ATP13A3: variants seen among roughly 807,000 people sequenced by gnomAD.
ATP13A3 encodes the protein polyamine-transporting ATPase 13A3.
Under a neutral mutation model 158.1 loss-of-function variants are expected in ATP13A3, and 59 were observed. That is an observed-to-expected ratio of 0.37 (90% CI 0.30 to 0.46). The LOEUF (loss-of-function observed/expected upper bound fraction) is 0.46, where lower values mean the gene tolerates loss of function less well. Ranked by LOEUF, ATP13A3 falls within the 20% of genes least tolerant of loss-of-function variation. The pLI is 1.00. For synonymous variants in ATP13A3, 491 were observed against 504.3 expected, an observed-to-expected ratio of 0.97 and a Z score of 0.35; for missense variants, 1,166 against 1,525.2, an observed-to-expected ratio of 0.76 and a Z score of 3.92.
intron 31 of ATP13A3, among the ~76,000 whole-genome samples, chr3:194,416,454 T>C (rs1313981569): frequency 1.3e-5 from 2 of 151,032 alleles, no homozygotes; most frequent in Non-Finnish European, 2.9e-5. Flanking sequence ...CGAGACTCCA[T>C]CTCAAAAAAA....
intron 8 of ATP13A3, among the ~76,000 whole-genome samples, chr3:194,455,309 C>A (rs979513994): frequency 6.6e-6 from 1 of 152,172 alleles, no homozygotes; most frequent in African/African-American, 2.4e-5. Context: ...AAACACCCCC[C>A]ACCCAATGTC....
At chr3:194,456,927 A>C (rs1719271435) in intron 7 of ATP13A3, among the ~76,000 whole-genome samples, 167 bp downstream of exon 7, 1 of 152,146 alleles carries the variant, frequency 6.6e-6, no homozygotes, top group Non-Finnish European at 1.5e-5. Context: ...ATAATTCTTA[A>C]ACTAAGACAG....
chr3:194,466,982 C>T (rs976362846), intron 2 of ATP13A3, among the ~76,000 whole-genome samples: 2 of 152,222 alleles, frequency 1.3e-5, no homozygotes, highest in Non-Finnish European at 2.9e-5. Flanking sequence ...ACTCAATCTA[C>T]TATGTGCCAG....
At chr3:194,484,376 AAC>A (rs1161867280) in intron 2 of ATP13A3, among the ~76,000 whole-genome samples, 1 of 152,228 alleles carries the variant, frequency 6.6e-6, no homozygotes, top group African/African-American at 2.4e-5. Flanking sequence ...TATTGAATCA[AAC>A]TATGCTTGTA....
intron 31 of ATP13A3, among the ~76,000 whole-genome samples, chr3:194,419,381 T>C (rs1716125287): frequency 6.6e-6 from 1 of 152,140 alleles, no homozygotes; most frequent in African/African-American, 2.4e-5. Flanking sequence ...GCTCAGGTAA[T>C]GTTCATTTTT....
intron 7 of ATP13A3, among the ~76,000 whole-genome samples, chr3:194,456,472 A>G (rs2108947806): frequency 6.6e-6 from 1 of 152,246 alleles, no homozygotes; most frequent in South Asian, 2.1e-4. Flanking sequence ...GTAATTCTAG[A>G]CTTTTATGAA....
upstream of ATP13A3, among the ~76,000 whole-genome samples, chr3:194,490,474 C>T (rs1305814105): frequency 1.3e-5 from 2 of 152,210 alleles, no homozygotes; most frequent in Non-Finnish European, 2.9e-5. This position sits in a 1 kb window ranked among gnomAD's most constrained non-coding sequence, Gnocchi z 4.4. Context: ...TTTTGGAATT[C>T]CTCCTCCCTG....
Position 194,410,296 on chromosome 3 carries a change from C to CA in ATP13A3, c.3573+1902dup, listed in dbSNP as rs772008929. On this transcript the variant is annotated intron_variant, in intron 33 of 33. Transcript: ENST00000645319. Reference sequence around the variant, plus strand: ...GCAACATGGCAAAACCTCCTCTCTGCAAAAAAAAAAAAAAAAAAAAAAAAA... The same window carrying CA: ...GCAACATGGCAAAACCTCCTCTCTGCAAAAAAAAAAAAAAAAAAAAAAAAAA... 4.0e-3 allele frequency among the ~76,000 whole-genome samples: 87 copies of CA among 21,820 alleles called. 18 individuals carry two copies. The highest frequency in any genetic ancestry group is 0.011 in the East Asian group (7 of 666). 14.3% of individuals were successfully genotyped at this position (21,820 alleles called of 152,430 possible). A position where few individuals can be genotyped will look rare whatever the true frequency, so the allele number is the denominator to read the frequency against.
intron 2 of ATP13A3, among the ~76,000 whole-genome samples, chr3:194,475,390 T>C (rs1258360895): frequency 1.3e-5 from 2 of 152,148 alleles, no homozygotes; most frequent in African/African-American, 4.8e-5. Context: ...AAGCACAAAA[T>C]CACTAGGAAG....
intron 15 of ATP13A3, among the ~76,000 whole-genome samples, chr3:194,443,392 G>T (rs991758978): frequency 6.6e-6 from 1 of 152,072 alleles, no homozygotes. Context: ...AAATGAGAAT[G>T]TGAAAATGTG....
intron 15 of ATP13A3, 98 bp downstream of exon 15, chr3:194,444,627 G>T: frequency 1.0e-6 from 1 of 994,318 alleles, no homozygotes; most frequent in East Asian, 2.6e-5. Flanking sequence ...TCCTGGTATA[G>T]GTACACAGTT....
At chr3:194,417,933 C>T (rs989727030) in intron 31 of ATP13A3, among the ~76,000 whole-genome samples, 5 of 125,612 alleles carry the variant, frequency 4.0e-5, no homozygotes, top group African/African-American at 1.5e-4. Context: ...TGCACTGCAG[C>T]GTGGGTGACA....
chr3:194,493,441 G>C (rs1398455672), intron 2 of ATP13A3, among the ~76,000 whole-genome samples: 1 of 152,062 alleles, frequency 6.6e-6, no homozygotes, highest in Non-Finnish European at 1.5e-5. Context: ...GAGGTCAGGA[G>C]TTCGAGACCA....
chr3:194,454,322 T>C lies in ATP13A3; in HGVS notation c.701A>G (p.Tyr234Cys). ...GGACATAACCACAATAGCTAGAGCATAGTAATAGTATTCATCAGTGCTCCA... is the reference window on the plus strand; with the variant it reads ...GGACATAACCACAATAGCTAGAGCACAGTAATAGTATTCATCAGTGCTCCA... ...ILWSTDEYYY[Y>C]ALAIVVMSIV... Residue 234 changes from tyrosine (Y) to cysteine (C), a missense_variant, in exon 9 of 34, where the codon TAT becomes TGT. Transcript: ENST00000645319. 6.2e-7 allele frequency: 1 copy of C among 1,606,602 alleles called. No individual in the cohort carries two copies. The highest frequency in any genetic ancestry group is 8.5e-7 in the Non-Finnish European group (1 of 1,173,398).
At chr3:194,419,057 ATTAT>A (rs1716101116) in intron 31 of ATP13A3, among the ~76,000 whole-genome samples, 2 of 152,254 alleles carry the variant, frequency 1.3e-5, no homozygotes. Flanking sequence ...ATGTTCAGTA[ATTAT>A]TTACCAACAG....
chr3:194,492,793 C>CATA (rs1721161505), intron 2 of ATP13A3, among the ~76,000 whole-genome samples: 1 of 152,060 alleles, frequency 6.6e-6, no homozygotes, highest in South Asian at 2.1e-4. Flanking sequence ...ACTTATAATA[C>CATA]GATGTAAATT....
chr3:194,491,848 TCATCTCTCACCTGGCATGCCTCCTC>T (rs1560122222), upstream of ATP13A3, among the ~76,000 whole-genome samples: 2 of 122,574 alleles, frequency 1.6e-5, no homozygotes, highest in African/African-American at 6.4e-5. Context: ...GCATGTCCCC[TCATCTCTCACCTGGCATGCCTCCTC>T]CATCTCTCAC....
chr3:194,438,895 T>C lies in ATP13A3; in HGVS notation c.1788A>G (p.Gln596=), dbSNP rs1453967297. The C allele has an allele frequency of 4.4e-6, 7 of 1,608,766 alleles. No individual in the cohort carries two copies. Among genetic ancestry groups the C allele is most frequent in the African/African-American group, 1.3e-5 (1 of 74,606 alleles). Residue 596 remains glutamine (Q), a synonymous_variant, in exon 17 of 34, where the codon CAA becomes CAG. Transcript: ENST00000645319. ...IMPTVVRPPK[Q]LLPESTPAGN... ...CTGCAGGGGTAGATTCAGGAAGCAG[T>C]TGTTTGGGAGGACGAACCACTGTGG...
intron 6 of ATP13A3, among the ~76,000 whole-genome samples, chr3:194,458,847 A>C (rs74540826): frequency 9.9e-5 from 15 of 152,100 alleles, no homozygotes; most frequent in Non-Finnish European, 1.5e-4. Flanking sequence ...AGAAACCTAC[A>C]GGTATGAATA....
Sources: gnomAD v4.1 joint callset for allele counts (sites outside exome capture counted in the v4.1 genomes callset) on GRCh38, gnomAD v4.1.1 for gene constraint, Gnocchi (gnomAD v3.1) non-coding constraint, MANE v1.5 for transcripts, NCBI Gene and HGNC (gene_info 2026-07-23, HGNC 2026-07-21) for gene names.